The following STXBP4 variants were observed in gnomAD, a reference collection of about 807,000 sequenced individuals.
STXBP4 encodes syntaxin binding protein 4.
In STXBP4, 55 loss-of-function variants were observed where a neutral mutation model predicts 76.1. The observed-to-expected ratio is 0.72, with a 90% CI of 0.58 to 0.91. STXBP4 has a LOEUF of 0.91. Among genes scored for constraint, STXBP4 ranks in the 40% least tolerant of loss-of-function variants. The pLI is 0.00. For synonymous variants in STXBP4, 201 were observed against 220.2 expected (o/e 0.91, Z 0.77); for missense variants, 618 against 636.9 (o/e 0.97, Z 0.32).
chr17:55,083,338 A>G (rs935610708), intron 16 of STXBP4, among the ~76,000 whole-genome samples: 1 of 152,128 alleles, frequency 6.6e-6, no homozygotes, highest in African/African-American at 2.4e-5. Flanking sequence ...TATTACTCAA[A>G]AAAGTTGTTT....
intron 3 of STXBP4, 29 bp from the exon 4 acceptor site, chr17:54,990,796 C>A: frequency 1.3e-6 from 2 of 1,575,836 alleles, no homozygotes; most frequent in South Asian, 1.2e-5. Flanking sequence ...TCTAGACTAA[C>A]CTGTGTGTGC....
chr17:54,993,458 G>A (rs942285694), intron 4 of STXBP4, among the ~76,000 whole-genome samples: 3 of 149,822 alleles, frequency 2.0e-5, no homozygotes, highest in African/African-American at 7.4e-5. Flanking sequence ...TCCAGCCTGG[G>A]CAACAGAGCA....
chr17:54,976,573 T>C (rs976107072), intron 1 of STXBP4, among the ~76,000 whole-genome samples: 1 of 152,178 alleles, frequency 6.6e-6, no homozygotes, highest in Non-Finnish European at 1.5e-5. Context: ...GTCCTTAGGC[T>C]GCAGACTAGT....
In STXBP4 at chr17:55,043,267, A is replaced by G; in HGVS notation, c.887A>G (p.Glu296Gly). The G allele has an allele frequency of 6.5e-7, 1 of 1,536,056 alleles. No homozygotes were observed. The highest frequency in any genetic ancestry group is 8.7e-7 in the Non-Finnish European group (1 of 1,143,446). Residue 296 changes from glutamate (E) to glycine (G), a missense_variant, in exon 11 of 18, where the codon GAA (glutamate) becomes GGA (glycine). Transcript: ENST00000376352. Reference protein sequence around the residue: ...LLPCDSSEADEMERLKCERDD... With the variant: ...LLPCDSSEADGMERLKCERDD... The stretch of plus-strand genomic sequence containing the variant: ...CCTTGTGATTCTTCAGAAGCAGATG[A>G]AATGGAAAGGCTCAAGTGTGAAAGA...
At chr17:55,178,280 C>T (rs535483072), downstream of STXBP4, among the ~76,000 whole-genome samples, 52 of 152,314 alleles carry the variant, frequency 3.4e-4, no homozygotes, top group African/African-American at 1.2e-3. Flanking sequence ...TTAATCCTGA[C>T]GGTTCTTCAG....
At position 54,977,589 on chromosome 17, in the gene STXBP4, A is replaced by G. The variant is rs79293162; in HGVS notation, c.-156-8025A>G. Among the ~76,000 whole-genome samples, 13 of 152,332 alleles carry G rather than the reference A, an allele frequency of 8.5e-5. No homozygotes were observed. The East Asian group carries it at 2.5e-3, about 29-fold the overall frequency. On this transcript the variant is annotated intron_variant, in intron 1 of 17. Coordinates refer to ENST00000376352, the MANE Select transcript of STXBP4 (RefSeq NM_178509.6). ...TCCCTGAAAATACTGAGGGATGACT[A>G]TAACTCTTTGATCTTTTATATATTG...
At chr17:55,009,771 T>A (rs4794552) in intron 8 of STXBP4, among the ~76,000 whole-genome samples, 30,127 of 152,024 alleles carry the variant, frequency 0.2, 3,560 homozygotes, top group East Asian at 0.5. Context: ...TAATAACTTT[T>A]TTCGTGAAAT....
chr17:55,025,017 T>C (rs989336319), intron 8 of STXBP4, among the ~76,000 whole-genome samples: 1 of 151,954 alleles, frequency 6.6e-6, no homozygotes, highest in South Asian at 2.1e-4. Flanking sequence ...GGCGGGTGCC[T>C]GTAGTCCCAG....
At chr17:54,981,598 C>A (rs2077551985) in intron 1 of STXBP4, among the ~76,000 whole-genome samples, 1 of 151,882 alleles carries the variant, frequency 6.6e-6, no homozygotes, top group Non-Finnish European at 1.5e-5. Flanking sequence ...AAAAATGAAA[C>A]CATAAGAGTA....
At chr17:55,027,612 G>A (rs1045166058) in intron 8 of STXBP4, among the ~76,000 whole-genome samples, 2 of 152,158 alleles carry the variant, frequency 1.3e-5, no homozygotes, top group African/African-American at 4.8e-5. Context: ...TTTGAAATAT[G>A]TAGTAAGCCT....
chr17:55,135,397 A>T (rs1438485909), intron 16 of STXBP4, among the ~76,000 whole-genome samples: 6 of 152,154 alleles, frequency 3.9e-5, no homozygotes, highest in East Asian at 3.8e-4. Context: ...TGATGTATAT[A>T]ACCAGGTGGT....
chr17:55,013,374 G>T (rs1238114288), intron 8 of STXBP4, among the ~76,000 whole-genome samples: 1 of 152,192 alleles, frequency 6.6e-6, no homozygotes, highest in Non-Finnish European at 1.5e-5. Context: ...TACTAAATGG[G>T]TATTGGCTTT....
At chr17:55,053,624 A>G (rs2078888738) in intron 12 of STXBP4, among the ~76,000 whole-genome samples, 1 of 152,168 alleles carries the variant, frequency 6.6e-6, no homozygotes, top group African/African-American at 2.4e-5. Flanking sequence ...TTATTTCCAA[A>G]GTCAAGTTTT....
At position 55,039,516 on chromosome 17, in the gene STXBP4, A is replaced by G. The variant is rs571509516; in HGVS notation, c.856-3720A>G. ...GAAAGAGGAATCATATGTGTTGGTT[A>G]TCTAGGAAGGGAGTGAAAGTGGTGG... On this transcript the variant is annotated intron_variant, in intron 10 of 17. Transcript: ENST00000376352. Among the ~76,000 whole-genome samples the G allele has an allele frequency of 7.2e-5, 11 of 152,274 alleles. No homozygotes were observed. The East Asian group carries it at 2.1e-3, about 29-fold the overall frequency.
intron 16 of STXBP4, among the ~76,000 whole-genome samples, chr17:55,132,196 T>C (rs139599019): frequency 0.016 from 2,386 of 152,312 alleles, 37 homozygotes; most frequent in Non-Finnish European, 0.022. Flanking sequence ...ATCTTATTGT[T>C]ATTATTATTA....
At chr17:54,979,956 A>G (rs148189535) in intron 1 of STXBP4, among the ~76,000 whole-genome samples, 1 of 152,332 alleles carries the variant, frequency 6.6e-6, no homozygotes, top group East Asian at 1.9e-4. Context: ...TTATAGGTCT[A>G]TTCTAGATGT....
intron 16 of STXBP4, among the ~76,000 whole-genome samples, chr17:55,127,111 T>G (rs1281762357): frequency 6.6e-6 from 1 of 152,154 alleles, no homozygotes; most frequent in Non-Finnish European, 1.5e-5. Flanking sequence ...TTCCATCACC[T>G]CACAACCTTT....
intron 16 of STXBP4, among the ~76,000 whole-genome samples, chr17:55,091,164 G>T (rs994096535): frequency 7.9e-5 from 12 of 152,080 alleles, no homozygotes; most frequent in Admixed American, 3.9e-4. Context: ...ATCTGGGCCT[G>T]CCACTAATTA....
the STXBP4 span, among the ~76,000 whole-genome samples, chr17:55,204,894 A>G: frequency 6.6e-6 from 1 of 151,964 alleles, no homozygotes; most frequent in Non-Finnish European, 1.5e-5. Flanking sequence ...ACATACACAT[A>G]TACATCTATA....
Sources: gnomAD v4.1 joint callset for allele counts (sites outside exome capture counted in the v4.1 genomes callset) on GRCh38, gnomAD v4.1.1 for gene constraint, MANE v1.5 for transcripts, NCBI Gene and HGNC (gene_info 2026-07-23, HGNC 2026-07-21) for gene names.